Variants in SNX1 observed in about 807,000 individuals in gnomAD.
SNX1 encodes sorting nexin-1.
SNX1 carries 36 observed loss-of-function variants against 71.8 expected under a neutral mutation model. That is an observed-to-expected ratio of 0.50 (90% CI 0.38 to 0.66). The LOEUF is 0.66. SNX1 is among the 30% of genes least tolerant of loss of function. The pLI, the probability that SNX1 is intolerant of heterozygous loss-of-function variation, is 0.00. For missense variants in SNX1, 612 were observed against 646.7 expected, an observed-to-expected ratio of 0.95 and a Z score of 0.58; for synonymous variants, 254 against 240.7, an observed-to-expected ratio of 1.06 and a Z score of -0.51.
intron 1 of SNX1, among the ~76,000 whole-genome samples, chr15:64,112,052 A>G (rs2140139705): frequency 1.3e-5 from 2 of 152,318 alleles, no homozygotes; most frequent in Admixed American, 1.3e-4. Flanking sequence ...GAAAAGATAA[A>G]TTTTACTTTT....
chr15:64,137,678 C>G lies in SNX1; in HGVS notation c.*60C>G. 4 of 1,611,728 alleles carry G rather than the reference C, an allele frequency of 2.5e-6. No homozygotes were observed. In the South Asian group the frequency reaches 3.3e-5, roughly 13 times the overall value. ...CTGCCTTTTTATACACTGTCCTCCT[C>G]CACCTTGATGGACCCCTAGTGATGC... On this transcript the variant is annotated 3_prime_UTR_variant, in exon 15 of 15. Coordinates refer to ENST00000559844, the MANE Select transcript of SNX1 (RefSeq NM_003099.5).
Position 64,096,032 on chromosome 15 carries a change from G to T in SNX1, c.19G>T (p.Gly7Cys), listed in dbSNP as rs1390021579. The T allele has an allele frequency of 1.3e-6, 2 of 1,595,242 alleles. No individual in the cohort carries two copies. The highest frequency in any genetic ancestry group is 1.3e-5 in the African/African-American group (1 of 74,834). The change falls in exon 1 of 15, where the codon GGC becomes TGC. Residue 7 changes from glycine to cysteine, a missense_variant. Transcript: ENST00000559844. ...GAAGAAGATGGCGTCGGGTGGTGGT[G>T]GCTGTAGCGCTTCGGAGAGACTGCC... MASGGG[G>C]CSASERLPPP...
At chr15:64,127,073 C>G in intron 6 of SNX1, 101 bp from the exon 7 acceptor site, 2 of 859,382 alleles carry the variant, frequency 2.3e-6, no homozygotes, top group Non-Finnish European at 1.9e-6. Flanking sequence ...AGGCTGTGTG[C>G]TAGCCTCACT....
At chr15:64,119,671 C>G (rs1399710521) in intron 4 of SNX1, among the ~76,000 whole-genome samples, 2 of 150,738 alleles carry the variant, frequency 1.3e-5, no homozygotes, top group East Asian at 3.9e-4. Flanking sequence ...CTGCAGTGAG[C>G]TGAGATCATG....
chr15:64,106,368 C>G (rs2140134475), intron 1 of SNX1, among the ~76,000 whole-genome samples: 1 of 152,166 alleles, frequency 6.6e-6, no homozygotes, highest in East Asian at 1.9e-4. Context: ...TTAGGTACAC[C>G]CTATTCTGAA....
chr15:64,134,880 G>A lies in SNX1; in HGVS notation c.1365+73G>A, dbSNP rs755458221. ...ATGAACCCAGGGCCCATCCCACCCA[G>A]AGGTTTGGAACCCCACAGGGGGAAG... is the stretch of plus-strand genomic sequence containing the variant. On this transcript the variant is annotated intron_variant, in intron 12 of 14. Coordinates refer to ENST00000559844, the MANE Select transcript of SNX1 (RefSeq NM_003099.5). The surrounding 1 kb of genome is among the most constrained non-coding windows in gnomAD (Gnocchi z 4.1). 2.3e-4 allele frequency: 364 copies of A among 1,572,358 alleles called. No homozygotes were observed. Among genetic ancestry groups the A allele is most frequent in the Non-Finnish European group, 3.0e-4 (348 of 1,157,794 alleles).
At position 64,119,736 on chromosome 15, in the gene SNX1, A is replaced by AC. The variant is rs1337685015; in HGVS notation, c.466+882_466+883insC. ...AAGACTGTGTCTTAAAAAAAAAAAAAAACACACACACACACACAAAAAACA... is the reference window on the plus strand; with the variant it reads ...AAGACTGTGTCTTAAAAAAAAAAAAACAACACACACACACACACAAAAAACA... On this transcript the variant is annotated intron_variant, in intron 4 of 14. Coordinates refer to ENST00000559844, the MANE Select transcript of SNX1 (RefSeq NM_003099.5). Among the ~76,000 whole-genome samples, 591 of 113,422 alleles carry AC rather than the reference A, an allele frequency of 5.2e-3. 6 individuals are homozygous for AC. The highest frequency in any genetic ancestry group is 0.014 in the African/African-American group (541 of 39,950). The allele number at this position is 113,422 out of a possible 152,430, so 74.4% of individuals were successfully genotyped here. A position where few individuals can be genotyped will look rare whatever the true frequency, so the allele number is the denominator to read the frequency against.
chr15:64,134,501 C>T lies in SNX1; in HGVS notation c.1222-163C>T. The stretch of plus-strand genomic sequence containing the variant: ...GGAGAGGAGTCTTACCCAAGCTTTG[C>T]TCCTAGACATTAAACTTCCCAGCTG... On this transcript the variant is annotated intron_variant, in intron 11 of 14. Transcript: ENST00000559844. This position sits in a 1 kb window ranked among gnomAD's most constrained non-coding sequence, Gnocchi z 4.1. The T allele has an allele frequency of 1.3e-6, 1 of 747,688 alleles. No homozygotes were observed. 46.3% of individuals were successfully genotyped at this position (747,688 alleles called of 1,614,324 possible).
At chr15:64,135,990 T>G (rs898706948) in intron 12 of SNX1, among the ~76,000 whole-genome samples, 3 of 152,176 alleles carry the variant, frequency 2.0e-5, no homozygotes, top group Non-Finnish European at 2.9e-5. Context: ...GATTCAGATA[T>G]GCCTTCTCGT....
At chr15:64,100,008 G>A (rs1425390607) in intron 1 of SNX1, among the ~76,000 whole-genome samples, 2 of 152,166 alleles carry the variant, frequency 1.3e-5, no homozygotes, top group Non-Finnish European at 2.9e-5. Flanking sequence ...CACCATGCCC[G>A]ACCGACCTCA....
Position 64,134,433 on chromosome 15 carries a change from G to C in SNX1, c.1222-231G>C, listed in dbSNP as rs989630563. On this transcript the variant is annotated intron_variant, in intron 11 of 14. Coordinates refer to ENST00000559844, the MANE Select transcript of SNX1 (RefSeq NM_003099.5). This position sits in a 1 kb window ranked among gnomAD's most constrained non-coding sequence, Gnocchi z 4.1. ...TACTGGATCCCTGCCATCCAGCCCT[G>C]GGAGTAGCATGAAGCAGCATGGCAC... 2 of 532,854 alleles carry C rather than the reference G, an allele frequency of 3.8e-6. No individual in the cohort carries two copies. Among genetic ancestry groups the C allele is most frequent in the Non-Finnish European group, 6.7e-6 (2 of 299,856 alleles). 33.0% of individuals were successfully genotyped at this position (532,854 alleles called of 1,614,324 possible).
intron 11 of SNX1, among the ~76,000 whole-genome samples, chr15:64,133,152 C>T (rs763641175): frequency 3.9e-5 from 6 of 152,210 alleles, no homozygotes; most frequent in Non-Finnish European, 8.8e-5. Context: ...CTTCATCTGC[C>T]TACCTCATGC....
At chr15:64,130,386 G>A (rs527483726) in intron 10 of SNX1, 65 bp downstream of exon 10, 9 of 1,277,478 alleles carry the variant, frequency 7.0e-6, no homozygotes, top group Admixed American at 5.2e-5. Context: ...CTGGAGATGC[G>A]AGGGCATGCT....
In SNX1 at chr15:64,127,175, G is replaced by T. The variant is rs34257057; in HGVS notation, c.654G>T (p.Gly218=). The T allele has an allele frequency of 0.059, 94,717 of 1,608,212 alleles. 3,186 individuals carry two copies. Among genetic ancestry groups the T allele is most frequent in the Middle Eastern group, 0.09 (543 of 6,052 alleles). ...VPPPPEKSLI[G]MTKVKVGKED... ...TTTGCTTTTTAAATTCCATTCTAGG[G>T]ATGACAAAAGTGAAAGTTGGGAAGG... Residue 218 remains glycine, a splice_region_variant and synonymous_variant, in exon 7 of 15, where the codon GGG becomes GGT. Coordinates refer to ENST00000559844, the MANE Select transcript of SNX1 (RefSeq NM_003099.5).
chr15:64,131,400 A>G (rs1026761710), intron 10 of SNX1, among the ~76,000 whole-genome samples: 2 of 152,192 alleles, frequency 1.3e-5, no homozygotes, highest in African/African-American at 2.4e-5. Flanking sequence ...GTTATTTAAC[A>G]ACTGGGCTTT....
At chr15:64,110,460 G>GCTCCAC in intron 1 of SNX1, among the ~76,000 whole-genome samples, 1 of 152,278 alleles carries the variant, frequency 6.6e-6, no homozygotes, top group African/African-American at 2.4e-5. Flanking sequence ...GTAGTGGTGT[G>GCTCCAC]ATCATGGCTC....
At chr15:64,126,590 T>G (rs1012725189) in intron 6 of SNX1, among the ~76,000 whole-genome samples, 6 of 152,120 alleles carry the variant, frequency 3.9e-5, no homozygotes, top group Non-Finnish European at 8.8e-5. Flanking sequence ...TGTTTGTTTG[T>G]TTGTTTTTGA....
rs1224540270 is a variant in SNX1, at chr15:64,130,162, C to T, written c.922-66C>T. On this transcript the variant is annotated intron_variant, in intron 9 of 14. Transcript: ENST00000559844. ...TCAGTCCCTTTTTGAGAAACAACTG[C>T]TAAAGAAAGACTGTACTGCACCCAT... The T allele has an allele frequency of 2.6e-6, 4 of 1,513,422 alleles. No homozygotes were observed. In the African/African-American group the frequency reaches 4.1e-5, roughly 16 times the overall value. The allele number at this position is 1,513,422 out of a possible 1,614,324, so 93.7% of individuals were successfully genotyped here. A position where few individuals can be genotyped will look rare whatever the true frequency, so the allele number is the denominator to read the frequency against.
intron 1 of SNX1, 81 bp downstream of exon 1, chr15:64,096,253 G>A (rs2080899355): frequency 2.0e-6 from 3 of 1,479,028 alleles, no homozygotes; most frequent in Non-Finnish European, 2.7e-6. Context: ...GGGGAGGTTG[G>A]GCAGAGTGGG....
Sources: allele counts gnomAD v4.1 joint callset (sites outside exome capture counted in the v4.1 genomes callset), GRCh38; gene constraint gnomAD v4.1.1; non-coding constraint Gnocchi (gnomAD v3.1); transcripts MANE v1.5; gene names NCBI Gene and HGNC (gene_info 2026-07-23, HGNC 2026-07-21).